Variants in ZNF808 observed in about 807,000 individuals in gnomAD.
ZNF808 encodes zinc finger protein 808.
Under a neutral mutation model 8.7 loss-of-function variants are expected in ZNF808, and 5 were observed. The ratio of observed to expected loss-of-function variants is 0.58; its 90% CI spans 0.30 to 1.21. The LOEUF is 1.21. Among genes scored for constraint, ZNF808 ranks in the 50% most tolerant of loss-of-function variants. ZNF808 has a pLI of 0.07. For missense variants in ZNF808, 1,103 were observed against 1,098.4 expected (o/e 1.00, Z -0.06); for synonymous variants, 380 against 366.0 (o/e 1.04, Z -0.44).
intron 4 of ZNF808, among the ~76,000 whole-genome samples, chr19:52,551,271 G>C (rs2059773912): frequency 1.3e-5 from 2 of 151,720 alleles, no homozygotes; most frequent in South Asian, 2.1e-4. Context: ...AGAGTCACTT[G>C]AACCTGGGAG....
intron 1 of ZNF808, among the ~76,000 whole-genome samples, chr19:52,529,924 G>A (rs1247913261): frequency 2.3e-5 from 3 of 130,058 alleles, no homozygotes; most frequent in Non-Finnish European, 5.0e-5. Flanking sequence ...TTTTTTTTTT[G>A]TAGAAACGTG....
rs1445831336 is a variant in ZNF808 at position 52,535,501 on chromosome 19, G to GC, written c.-20+2496dup. 3.2e-4 allele frequency among the ~76,000 whole-genome samples: 49 copies of GC among 152,260 alleles called. No homozygotes were observed. In the East Asian group the frequency reaches 9.1e-3, roughly 28 times the overall value. On this transcript the variant is annotated intron_variant, in intron 2 of 4. Transcript: ENST00000359798. ...TGAGTAGCTGGGACCTCAGGCTTCC[G>GC]CCCCGTGCCCGCATCCCTGCTGTGT...
chr19:52,543,051 C>G (rs182753247), intron 2 of ZNF808, among the ~76,000 whole-genome samples: 2 of 152,046 alleles, frequency 1.3e-5, no homozygotes, highest in East Asian at 3.9e-4. Flanking sequence ...TCGTGTGTGG[C>G]GGCTTCTCCA....
intron 1 of ZNF808, among the ~76,000 whole-genome samples, chr19:52,529,570 G>T (rs2059541857): frequency 6.6e-6 from 1 of 152,124 alleles, no homozygotes. Context: ...GGCATCAGAG[G>T]TTATGTTCCA....
downstream of ZNF808, among the ~76,000 whole-genome samples, chr19:52,559,092 C>T (rs566692103): frequency 1.6e-4 from 24 of 152,280 alleles, no homozygotes; most frequent in African/African-American, 5.5e-4. Flanking sequence ...AAGACCTGAC[C>T]ATCCCCCAGC....
intron 4 of ZNF808, among the ~76,000 whole-genome samples, chr19:52,549,051 C>T (rs2059750334): frequency 6.6e-6 from 1 of 152,056 alleles, no homozygotes; most frequent in South Asian, 2.1e-4. Context: ...AATCTCAGCT[C>T]ACTGTAACCT....
intron 2 of ZNF808, among the ~76,000 whole-genome samples, chr19:52,542,963 G>A (rs1003688001): frequency 3.3e-5 from 5 of 151,350 alleles, no homozygotes; most frequent in Admixed American, 2.6e-4. Flanking sequence ...TTTTTTGGGG[G>A]GGGGGTGGAG....
At chr19:52,558,842 G>T (rs2059847531), downstream of ZNF808, among the ~76,000 whole-genome samples, 1 of 152,172 alleles carries the variant, frequency 6.6e-6, no homozygotes, top group Non-Finnish European at 1.5e-5. Flanking sequence ...CCCTGTGCTG[G>T]CAGAAACATG....
rs770686298 is a variant in ZNF808 at position 52,554,980 on chromosome 19, C to T, written c.2064C>T (p.Phe688=). Residue 688 remains phenylalanine (F), a synonymous_variant, in exon 5 of 5, where the codon TTC becomes TTT. Transcript: ENST00000359798. ...SYKCKVCDKA[F]VCRSYVAKHT... is the part of the protein sequence containing the mutation. ...AATGTAAGGTTTGTGACAAGGCTTT[C>T]GTGTGTCGTTCCTATGTGGCAAAAC... 1.9e-5 allele frequency: 31 copies of T among 1,613,960 alleles called. No individual in the cohort carries two copies. In the East Asian group the frequency reaches 2.0e-4, roughly 10 times the overall value.
Position 52,554,713 on chromosome 19 carries a change from A to G in ZNF808, c.1797A>G (p.Ala599=), listed in dbSNP as rs771155772. 5.0e-6 allele frequency: 8 copies of G among 1,613,846 alleles called. No individual in the cohort carries two copies. The highest frequency in any genetic ancestry group is 5.9e-6 in the Non-Finnish European group (7 of 1,179,880). ...GAGAGAAACCTTACAAATGTGAAGC[A>G]TGTGACAAAGTTTTTGGTCAGAAAT... ...HTGEKPYKCE[A]CDKVFGQKSA... The change falls in exon 5 of 5, where the codon GCA becomes GCG. Residue 599 remains alanine, a synonymous_variant. Coordinates refer to ENST00000359798, the MANE Select transcript of ZNF808 (RefSeq NM_001039886.4).
intron 2 of ZNF808, among the ~76,000 whole-genome samples, chr19:52,533,669 CAT>C (rs1460429810): frequency 2.6e-5 from 4 of 151,496 alleles, no homozygotes; most frequent in Admixed American, 6.6e-5. Context: ...GCCTGACAAA[CAT>C]GTTGAAACCC....
downstream of ZNF808, among the ~76,000 whole-genome samples, chr19:52,566,682 A>G (rs2059873759): frequency 6.6e-6 from 1 of 152,172 alleles, no homozygotes; most frequent in African/African-American, 2.4e-5. Flanking sequence ...ACTCTGGTGC[A>G]TAAGTGGATA....
intron 1 of ZNF808, among the ~76,000 whole-genome samples, chr19:52,529,733 G>T (rs1183949766): frequency 6.6e-6 from 1 of 151,748 alleles, no homozygotes; most frequent in Non-Finnish European, 1.5e-5. Context: ...TTAATTAAAT[G>T]ATATTTTGAG....
intron 3 of ZNF808, among the ~76,000 whole-genome samples, chr19:52,544,857 C>T (rs536065375): frequency 6.6e-6 from 1 of 152,264 alleles, no homozygotes; most frequent in African/African-American, 2.4e-5. Flanking sequence ...CATCTCAGCT[C>T]ACTACAACCT....
chr19:52,539,184 A>ATTTTTTTTTT (rs3049209), intron 2 of ZNF808, among the ~76,000 whole-genome samples: 16 of 117,734 alleles, frequency 1.4e-4, no homozygotes, highest in African/African-American at 2.5e-4. Context: ...TCTTCATTTC[A>ATTTTTTTTTT]TTTTTTTTTT....
At chr19:52,529,200 A>AC (rs2059538626) in intron 1 of ZNF808, among the ~76,000 whole-genome samples, 1 of 145,776 alleles carries the variant, frequency 6.9e-6, no homozygotes, top group South Asian at 2.2e-4. Flanking sequence ...ACATAGTGAG[A>AC]CCCCTATCTC....
chr19:52,553,048 T>G, intron 4 of ZNF808, 59 bp from the exon 5 acceptor site: 1 of 1,495,102 alleles, frequency 6.7e-7, no homozygotes, highest in African/African-American at 1.4e-5. Context: ...ATTTACACAC[T>G]TCAGTATGAT....
chr19:52,534,213 A>G (rs1396744278), intron 2 of ZNF808, among the ~76,000 whole-genome samples: 1 of 152,142 alleles, frequency 6.6e-6, no homozygotes, highest in African/African-American at 2.4e-5. Context: ...TAATTTTTGT[A>G]TTAGGCTTAG....
intron 2 of ZNF808, among the ~76,000 whole-genome samples, chr19:52,542,523 T>C (rs781389627): frequency 4.0e-4 from 61 of 152,140 alleles, no homozygotes; most frequent in Admixed American, 1.6e-3. Flanking sequence ...TTCTCCGGGT[T>C]TCCTTTGTGA....
Sources: allele counts gnomAD v4.1 joint callset (sites outside exome capture counted in the v4.1 genomes callset), GRCh38; gene constraint gnomAD v4.1.1; transcripts MANE v1.5; gene names NCBI Gene and HGNC (gene_info 2026-07-23, HGNC 2026-07-21).